ALK: variants seen among roughly 807,000 people sequenced by gnomAD.
The protein encoded by ALK is ALK receptor tyrosine kinase.
ALK carries 74 observed loss-of-function variants against 163.1 expected under a neutral mutation model. That is an observed-to-expected ratio of 0.45 (90% CI 0.38 to 0.55). ALK has a LOEUF of 0.55. ALK is among the 20% of genes least tolerant of loss of function. The pLI, the probability that ALK is intolerant of heterozygous loss-of-function variation, is 0.00. For missense variants in ALK, 2,063 were observed against 2,105.3 expected, an observed-to-expected ratio of 0.98 and a Z score of 0.39; for synonymous variants, 960 against 843.2, an observed-to-expected ratio of 1.14 and a Z score of -2.40.
At chr2:29,295,917 C>T (rs1053693321) in intron 9 of ALK, among the ~76,000 whole-genome samples, 8 of 152,164 alleles carry the variant, frequency 5.3e-5, no homozygotes, top group African/African-American at 1.7e-4. Flanking sequence ...AATGGCCCCT[C>T]GCCCCTCTTT....
rs201653228 is a variant in ALK at position 29,193,893 on chromosome 2, C to T, written c.4194G>A (p.Pro1398=). ...QDPDVINTAL[P]IEYGPLVEEE... is the part of the protein sequence containing the mutation. ...CTTCCACAAGTGGACCATATTCTATCGGCAAAGCGGTGTTGATTACATCCG... is the reference window on the plus strand; with the variant it reads ...CTTCCACAAGTGGACCATATTCTATTGGCAAAGCGGTGTTGATTACATCCG... Residue 1398 remains proline, a synonymous_variant, in exon 29 of 29, where the codon CCG becomes CCA. Coordinates refer to ENST00000389048, the MANE Select transcript of ALK (RefSeq NM_004304.5). 124 of 1,614,156 alleles carry T rather than the reference C, an allele frequency of 7.7e-5. No homozygotes were observed. Among genetic ancestry groups the T allele is most frequent in the Non-Finnish European group, 1.0e-4 (123 of 1,180,026 alleles).
intron 12 of ALK, among the ~76,000 whole-genome samples, chr2:29,244,491 T>C (rs558057387): frequency 6.6e-6 from 1 of 152,208 alleles, no homozygotes; most frequent in Non-Finnish European, 1.5e-5. Context: ...GTTCCACTCC[T>C]GTTGCATCAG....
chr2:29,276,213 T>G (rs996872571), intron 9 of ALK, among the ~76,000 whole-genome samples: 1 of 152,156 alleles, frequency 6.6e-6, no homozygotes, highest in African/African-American at 2.4e-5. Context: ...GGTTAAATAT[T>G]AAGCGACTTG....
intron 1 of ALK, among the ~76,000 whole-genome samples, chr2:29,786,977 A>T (rs1664045157): frequency 6.6e-6 from 1 of 152,100 alleles, no homozygotes; most frequent in Non-Finnish European, 1.5e-5. Context: ...TTGTATTTTT[A>T]GTAAAGACAG....
chr2:29,860,765 T>C (rs13031418), intron 1 of ALK, among the ~76,000 whole-genome samples: 61,605 of 152,042 alleles, frequency 0.41, 13,623 homozygotes, highest in Non-Finnish European at 0.5. Flanking sequence ...AACATGCTCC[T>C]GAACAACCAA....
chr2:29,675,888 AT>A (rs1460806866), intron 3 of ALK, among the ~76,000 whole-genome samples: 1 of 151,872 alleles, frequency 6.6e-6, no homozygotes, highest in Non-Finnish European at 1.5e-5. Context: ...TATAAATCTT[AT>A]TTTTTAAAAA....
At chr2:29,200,805 A>ATG (rs1573089966) in intron 26 of ALK, among the ~76,000 whole-genome samples, 3 of 130,790 alleles carry the variant, frequency 2.3e-5, no homozygotes, top group Admixed American at 7.5e-5. Context: ...ATACATATAT[A>ATG]TGTGTGTATA....
chr2:29,506,848 T>G (rs1672341135), intron 4 of ALK, among the ~76,000 whole-genome samples: 1 of 152,034 alleles, frequency 6.6e-6, no homozygotes, highest in South Asian at 2.1e-4. Context: ...AGCTTGTAAC[T>G]GACAAAGACA....
chr2:29,295,417 A>G (rs1212375467), intron 9 of ALK, among the ~76,000 whole-genome samples: 3 of 152,030 alleles, frequency 2.0e-5, no homozygotes, highest in Admixed American at 2.0e-4. Context: ...TTCTCCACCA[A>G]CTGCATGCAG....
intron 1 of ALK, among the ~76,000 whole-genome samples, chr2:29,831,935 T>C (rs573348690): frequency 6.6e-6 from 1 of 152,302 alleles, no homozygotes; most frequent in East Asian, 1.9e-4. Context: ...GTTAGAAAAG[T>C]AGGGATTTCA....
intron 1 of ALK, among the ~76,000 whole-genome samples, chr2:29,752,643 C>T (rs538348988): frequency 6.6e-5 from 10 of 152,098 alleles, no homozygotes; most frequent in Admixed American, 1.3e-4. Context: ...CCACCGCGCC[C>T]GGCCGACTTC....
At chr2:29,297,087 G>A in intron 8 of ALK, 30 bp from the exon 9 acceptor site, 16 of 1,614,030 alleles carry the variant, frequency 9.9e-6, no homozygotes, top group Non-Finnish European at 1.3e-5. Context: ...CAGAGGACAA[G>A]GTATGATTGC....
chr2:29,444,317 G>C (rs1048475029), intron 4 of ALK, among the ~76,000 whole-genome samples: 2 of 152,204 alleles, frequency 1.3e-5, no homozygotes, highest in African/African-American at 4.8e-5. Flanking sequence ...AGGGCAGGCA[G>C]GTGGCCAAGT....
rs566563699 is a variant in ALK, at chr2:29,792,318, A to G, written c.668-74621T>C. On this transcript the variant is annotated intron_variant, in intron 1 of 28. Transcript: ENST00000389048. ...CAGTGGAGACTCCAGAAACAGACTC[A>G]GGTCTGTATAAGAATTTAATATGTA... 5.2e-4 allele frequency among the ~76,000 whole-genome samples: 79 copies of G among 152,316 alleles called. 1 individual carries two copies. Among genetic ancestry groups the G allele is most frequent in the Non-Finnish European group, 1.0e-3 (68 of 68,028 alleles).
chr2:29,797,209 T>G (rs1194335175), intron 1 of ALK, among the ~76,000 whole-genome samples: 1 of 152,212 alleles, frequency 6.6e-6, no homozygotes, highest in African/African-American at 2.4e-5. Context: ...CATAACTTCC[T>G]TTAACTGTCC....
intron 3 of ALK, among the ~76,000 whole-genome samples, chr2:29,671,206 A>G (rs1264728770): frequency 6.6e-6 from 1 of 152,020 alleles, no homozygotes; most frequent in Non-Finnish European, 1.5e-5. Context: ...TCTAAGTAGC[A>G]CGTGAAGCCC....
chr2:29,390,831 A>T (rs1015252431), intron 4 of ALK, among the ~76,000 whole-genome samples: 3 of 152,226 alleles, frequency 2.0e-5, no homozygotes, highest in Non-Finnish European at 2.9e-5. Context: ...AATTTTCTGT[A>T]ATAATAATTA....
rs368328466 is a variant in ALK, at chr2:29,339,235, T to G, written c.1283-10754A>C. Among the ~76,000 whole-genome samples the G allele has an allele frequency of 2.1e-5, 3 of 142,734 alleles. 1 individual carries two copies. The highest frequency in any genetic ancestry group is 6.9e-5 in the Admixed American group (1 of 14,548). The allele number at this position is 142,734 out of a possible 152,430, so 93.6% of individuals were successfully genotyped here. A position where few individuals can be genotyped will look rare whatever the true frequency, so the allele number is the denominator to read the frequency against. ...TCCAGCCTGGGTGACAGGGCGAGAC[T>G]CTATCTCAAAAAAAAAAAAAAGTGA... On this transcript the variant is annotated intron_variant, in intron 5 of 28. Transcript: ENST00000389048.
In ALK at chr2:29,227,787, C is replaced by A. The variant is rs993306728; in HGVS notation, c.2816-115G>T. 1 of 798,528 alleles carries A rather than the reference C, an allele frequency of 1.3e-6. No homozygotes were observed. The highest frequency in any genetic ancestry group is 1.5e-5 in the South Asian group (1 of 66,868). The allele number at this position is 798,528 out of a possible 1,614,324, so 49.5% of individuals were successfully genotyped here. The stretch of plus-strand genomic sequence containing the variant: ...CCAAAGTTAGGGGGTCACTGGGGAC[C>A]TCAGGGGCAGGGATGCGGGGAGGGA... On this transcript the variant is annotated intron_variant, in intron 16 of 28. Coordinates refer to ENST00000389048, the MANE Select transcript of ALK (RefSeq NM_004304.5). The surrounding 1 kb of genome is among the most constrained non-coding windows in gnomAD (Gnocchi z 4.4).
Sources: gnomAD v4.1 joint callset for allele counts (sites outside exome capture counted in the v4.1 genomes callset) on GRCh38, gnomAD v4.1.1 for gene constraint, Gnocchi (gnomAD v3.1) non-coding constraint, MANE v1.5 for transcripts, NCBI Gene and HGNC (gene_info 2026-07-23, HGNC 2026-07-21) for gene names.